RBFOX1: variants seen among roughly 807,000 people sequenced by gnomAD.
RBFOX1 encodes the protein RNA binding protein fox-1 homolog 1.
A neutral mutation model predicts 57.7 loss-of-function variants in RBFOX1; 8 were observed. The ratio of observed to expected loss-of-function variants is 0.14; its 90% CI spans 0.08 to 0.25. The LOEUF (loss-of-function observed/expected upper bound fraction) is 0.25, where lower values mean the gene tolerates loss of function less well. Ranked by LOEUF, RBFOX1 falls within the 10% of genes least tolerant of loss-of-function variation. RBFOX1 has a pLI of 1.00. For missense variants in RBFOX1, 611 were observed against 548.5 expected (o/e 1.11, Z -1.14); for synonymous variants, 326 against 222.4 (o/e 1.47, Z -4.15).
chr16:5,660,185 G>A (rs1390444065), intron 3 of RBFOX1, among the ~76,000 whole-genome samples: 1 of 152,180 alleles, frequency 6.6e-6, no homozygotes, highest in Non-Finnish European at 1.5e-5. Context: ...GGAGGTCAGG[G>A]AAATGATGTT....
intron 3 of RBFOX1, chr16:6,704,975 T>G (rs2062470990): frequency 1.3e-5 from 2 of 152,174 alleles, no homozygotes; most frequent in South Asian, 4.1e-4. Context: ...TTTGGGATAA[T>G]GCTACCTCAT....
intron 1 of RBFOX1, among the ~76,000 whole-genome samples, chr16:6,260,286 A>G (rs1280543063): frequency 6.6e-6 from 1 of 152,178 alleles, no homozygotes; most frequent in African/African-American, 2.4e-5. Context: ...ACTTTGGTTT[A>G]TGAATGTTCC....
intron 3 of RBFOX1, among the ~76,000 whole-genome samples, chr16:6,845,759 A>C (rs2093721487): frequency 6.6e-6 from 1 of 152,008 alleles, no homozygotes; most frequent in African/African-American, 2.4e-5. Context: ...CACAACTCAC[A>C]CTGGTCTTTT....
At chr16:7,203,162 A>G (rs2089065023) in intron 4 of RBFOX1, among the ~76,000 whole-genome samples, 1 of 152,222 alleles carries the variant, frequency 6.6e-6, no homozygotes, top group Non-Finnish European at 1.5e-5. Flanking sequence ...TGATGAACAG[A>G]TAAGCAAAAT....
At chr16:5,506,310 A>C (rs1225891469) in intron 2 of RBFOX1, among the ~76,000 whole-genome samples, 1 of 152,228 alleles carries the variant, frequency 6.6e-6, no homozygotes, top group Admixed American at 6.5e-5. Context: ...CTGCAGGCAC[A>C]GAGACGTAAG....
intron 4 of RBFOX1, among the ~76,000 whole-genome samples, chr16:7,195,750 A>G (rs1364488825): frequency 6.6e-6 from 1 of 152,070 alleles, no homozygotes; most frequent in Non-Finnish European, 1.5e-5. Context: ...ACGGGATTTC[A>G]CCGTGTTGGC....
At chr16:5,517,609 C>T (rs1347599922) in intron 2 of RBFOX1, among the ~76,000 whole-genome samples, 1 of 152,136 alleles carries the variant, frequency 6.6e-6, no homozygotes, top group African/African-American at 2.4e-5. Flanking sequence ...GGTGAGTTTC[C>T]TAAGATGTGT....
intron 3 of RBFOX1, among the ~76,000 whole-genome samples, chr16:6,951,904 T>G (rs528119631): frequency 7.3e-5 from 11 of 149,882 alleles, no homozygotes; most frequent in African/African-American, 2.8e-4. Flanking sequence ...CCCAGCTAAT[T>G]TTTGTATATT....
intron 3 of RBFOX1, among the ~76,000 whole-genome samples, chr16:6,978,864 G>C (rs2087848176): frequency 6.6e-6 from 1 of 152,088 alleles, no homozygotes; most frequent in South Asian, 2.1e-4. Context: ...CTGCTTCATT[G>C]CATTTTTGCC....
chr16:6,362,475 G>A (rs185929710), intron 2 of RBFOX1, among the ~76,000 whole-genome samples: 69 of 152,274 alleles, frequency 4.5e-4, no homozygotes, highest in African/African-American at 1.6e-3. Context: ...CCAATATGAG[G>A]CCACCTGCTC....
At chr16:7,181,565 C>G (rs1008518928) in intron 4 of RBFOX1, among the ~76,000 whole-genome samples, 4 of 151,736 alleles carry the variant, frequency 2.6e-5, no homozygotes, top group African/African-American at 4.8e-5. Context: ...CTCTCTTTCT[C>G]TCTTCCTCTC....
At chr16:6,754,192 G>T (rs866135312) in intron 3 of RBFOX1, among the ~76,000 whole-genome samples, 6 of 152,134 alleles carry the variant, frequency 3.9e-5, no homozygotes, top group South Asian at 4.1e-4. Flanking sequence ...CACTCAGGCA[G>T]CTACAGCTAG....
chr16:5,908,293 TATATATATAC>T (rs1567134163), intron 4 of RBFOX1, among the ~76,000 whole-genome samples: 20 of 73,820 alleles, frequency 2.7e-4, no homozygotes, highest in Non-Finnish European at 5.1e-4. Context: ...TATATACACA[TATATATATAC>T]ACACATATAT....
intron 3 of RBFOX1, among the ~76,000 whole-genome samples, chr16:6,824,074 G>A (rs971139736): frequency 6.6e-6 from 1 of 152,184 alleles, no homozygotes; most frequent in African/African-American, 2.4e-5. Context: ...CTTGTATTTT[G>A]TAGTAATGGA....
In RBFOX1 at chr16:7,474,916, A is replaced by G. The variant is rs563168685; in HGVS notation, c.28-43231A>G. On this transcript the variant is annotated intron_variant, in intron 4 of 15. Coordinates refer to ENST00000550418, the MANE Select transcript of RBFOX1 (RefSeq NM_018723.4). ...CACTTCGTCTCATATATTTTCCAAT[A>G]TTTATGGAGTGCCTGTGTTGGTCAA... is the stretch of plus-strand genomic sequence containing the variant. 3.7e-4 allele frequency among the ~76,000 whole-genome samples: 56 copies of G among 152,252 alleles called. No homozygotes were observed. The South Asian group carries it at 0.011, about 29-fold the overall frequency.
chr16:7,281,904 AG>A (rs1199526819), intron 4 of RBFOX1, among the ~76,000 whole-genome samples: 1 of 152,084 alleles, frequency 6.6e-6, no homozygotes. Flanking sequence ...TCTGTCACCC[AG>A]GATGGACAGG....
chr16:6,298,783 A>G (rs2078442170), intron 1 of RBFOX1, among the ~76,000 whole-genome samples: 1 of 152,220 alleles, frequency 6.6e-6, no homozygotes, highest in Admixed American at 6.5e-5. Flanking sequence ...TGGTGAGTTT[A>G]CATATTTGTT....
chr16:6,369,843 A>G (rs2090169967), intron 2 of RBFOX1, among the ~76,000 whole-genome samples: 1 of 152,190 alleles, frequency 6.6e-6, no homozygotes, highest in Non-Finnish European at 1.5e-5. Context: ...CAATTCCAAA[A>G]TTAAGAAATT....
intron 3 of RBFOX1, among the ~76,000 whole-genome samples, chr16:6,734,980 T>A (rs72764971): frequency 0.45 from 67,545 of 151,668 alleles, 17,891 homozygotes; most frequent in South Asian, 0.6. Flanking sequence ...TTTCTATAAT[T>A]TTTTTTTAAA....
Sources: gnomAD v4.1 joint callset for allele counts (sites outside exome capture counted in the v4.1 genomes callset) on GRCh38, gnomAD v4.1.1 for gene constraint, MANE v1.5 for transcripts, NCBI Gene and HGNC (gene_info 2026-07-23, HGNC 2026-07-21) for gene names.